CELSR1: variants seen among roughly 807,000 people sequenced by gnomAD.
The protein encoded by CELSR1 is adhesion G protein-coupled receptor C1.
CELSR1 carries 110 observed loss-of-function variants against 249.1 expected under a neutral mutation model. The observed-to-expected ratio is 0.44, with a 90% confidence interval of 0.38 to 0.52. The LOEUF is 0.52. Among genes scored for constraint, CELSR1 ranks in the 20% least tolerant of loss-of-function variants. The probability of loss-of-function intolerance (pLI) is 0.00; values close to 1 mark genes in which losing one functional copy is unlikely to be tolerated. For synonymous variants in CELSR1, 2,113 were observed against 1,900.0 expected (o/e 1.11, Z -2.92); for missense variants, 4,109 against 4,296.4 (o/e 0.96, Z 1.22).
chr22:46,426,871 G>A (rs1014731032), intron 5 of CELSR1, among the ~76,000 whole-genome samples: 2 of 152,114 alleles, frequency 1.3e-5, no homozygotes, highest in African/African-American at 2.4e-5. Context: ...ACCTGCAGGT[G>A]CTCAGGCTTC....
chr22:46,419,443 C>T (rs909543554), intron 5 of CELSR1, among the ~76,000 whole-genome samples: 1 of 152,142 alleles, frequency 6.6e-6, no homozygotes, highest in African/African-American at 2.4e-5. Context: ...ATGCTACTCC[C>T]AGCTAGAGAA....
At chr22:46,432,805 C>G (rs1368390453) in intron 5 of CELSR1, among the ~76,000 whole-genome samples, 1 of 152,102 alleles carries the variant, frequency 6.6e-6, no homozygotes, top group African/African-American at 2.4e-5. Flanking sequence ...AATGAATAAG[C>G]CCTTTCTGTG....
chr22:46,400,030 T>A, intron 9 of CELSR1, 128 bp from the exon 10 acceptor site: 1 of 1,029,176 alleles, frequency 9.7e-7, no homozygotes, highest in African/African-American at 1.6e-5. Flanking sequence ...AAGATAGGCT[T>A]AAAAATTAGG....
rs763227216 is a variant in CELSR1, at chr22:46,427,408, G to A, written c.4611+5985C>T. 2.2e-4 allele frequency among the ~76,000 whole-genome samples: 33 copies of A among 152,290 alleles called. No homozygotes were observed. Among genetic ancestry groups the A allele is most frequent in the Admixed American group, 3.9e-4 (6 of 15,290 alleles). On this transcript the variant is annotated intron_variant, in intron 5 of 34. Coordinates refer to ENST00000674500, the MANE Select transcript of CELSR1 (RefSeq NM_001378328.1). The surrounding 1 kb of genome is among the most constrained non-coding windows in gnomAD (Gnocchi z 4.2). ...AAAAATTAACCGGGTGTGGTGGCGC[G>A]CACCTGTAAACCCAGCTACTCAGGA...
At chr22:46,397,530 C>T (rs1372552788) in intron 12 of CELSR1, 144 bp downstream of exon 12, 10 of 735,560 alleles carry the variant, frequency 1.4e-5, no homozygotes, top group South Asian at 1.4e-4. Flanking sequence ...AGGAGGGGCC[C>T]GCTTGTTATA....
At chr22:46,470,179 A>G (rs1174958547) in intron 1 of CELSR1, among the ~76,000 whole-genome samples, 1 of 150,316 alleles carries the variant, frequency 6.7e-6, no homozygotes, top group Non-Finnish European at 1.5e-5. Flanking sequence ...TCCTCGTGGC[A>G]GTTGTTATGA....
At position 46,448,372 on chromosome 22, in the gene CELSR1, A is replaced by C. The variant is rs994003403; in HGVS notation, c.4184-8961T>G. ...GAACTTACCCCTGGGGGGCTGCTCC[A>C]GGAGCTAGGAGAAGAGAGATGCAGG... On this transcript the variant is annotated intron_variant, in intron 2 of 34. Coordinates refer to ENST00000674500, the MANE Select transcript of CELSR1 (RefSeq NM_001378328.1). The surrounding 1 kb of genome is among the most constrained non-coding windows in gnomAD (Gnocchi z 5.7). 3.3e-5 allele frequency among the ~76,000 whole-genome samples: 5 copies of C among 152,134 alleles called. No individual in the cohort carries two copies. Among genetic ancestry groups the C allele is most frequent in the Non-Finnish European group, 7.4e-5 (5 of 68,002 alleles).
chr22:46,535,745 T>G lies in CELSR1; in HGVS notation c.1426A>C (p.Thr476Pro). Residue 476 changes from threonine to proline, a missense_variant, in exon 1 of 35, where the codon ACG (threonine) becomes CCG (proline). Transcript: ENST00000674500. Reference sequence around the variant, plus strand: ...GTGGCCTGCACTCGCAGCACAGCCGTGTTGAGCCCCACGTCCTCGGGCACC... The same window carrying G: ...GTGGCCTGCACTCGCAGCACAGCCGGGTTGAGCCCCACGTCCTCGGGCACC... Reference protein sequence around the residue: ...VQVPEDVGLNTAVLRVQATDR... With the variant: ...VQVPEDVGLNPAVLRVQATDR... The G allele has an allele frequency of 6.2e-7, 1 of 1,612,602 alleles. No homozygotes were observed. The highest frequency in any genetic ancestry group is 8.5e-7 in the Non-Finnish European group (1 of 1,180,008).
rs1202650721 is a variant in CELSR1, at chr22:46,370,534, C to A, written c.7760-730G>T. 3.3e-5 allele frequency among the ~76,000 whole-genome samples: 5 copies of A among 152,324 alleles called. No homozygotes were observed. The East Asian group carries it at 9.6e-4, about 29-fold the overall frequency. On this transcript the variant is annotated intron_variant, in intron 25 of 34. Coordinates refer to ENST00000674500, the MANE Select transcript of CELSR1 (RefSeq NM_001378328.1). The stretch of plus-strand genomic sequence containing the variant: ...GTTGTCACTCCCAGCCACAGTGTGA[C>A]AAACCAGATCCGCCTGTCCATGCAG...
rs143337195 is a variant in CELSR1, at chr22:46,416,971, G to A, written c.4612-5212C>T. Among the ~76,000 whole-genome samples, 94 of 149,656 alleles carry A rather than the reference G, an allele frequency of 6.3e-4. 2 individuals are homozygous for A. In the East Asian group the frequency reaches 0.014, roughly 23 times the overall value. On this transcript the variant is annotated intron_variant, in intron 5 of 34. Transcript: ENST00000674500. ...GCTGGGGAAGGTAGCAGGGGAAGGC[G>A]GTGTGGGGGGGTGGGAGGGGCACGT...
Position 46,488,767 on chromosome 22 carries a change from C to T in CELSR1, c.3545-24422G>A, listed in dbSNP as rs921069125. On this transcript the variant is annotated intron_variant, in intron 1 of 34. Coordinates refer to ENST00000674500, the MANE Select transcript of CELSR1 (RefSeq NM_001378328.1). The surrounding 1 kb of genome is among the most constrained non-coding windows in gnomAD (Gnocchi z 4.7). ...CTCCACCTCCCAGGTTCATGCCATTCTCCTGCCTCAGCCTCCCGAGTAGCT... is the reference window on the plus strand; with the variant it reads ...CTCCACCTCCCAGGTTCATGCCATTTTCCTGCCTCAGCCTCCCGAGTAGCT... Among the ~76,000 whole-genome samples, 2 of 151,858 alleles carry T rather than the reference C, an allele frequency of 1.3e-5. No homozygotes were observed. Among genetic ancestry groups the T allele is most frequent in the Non-Finnish European group, 1.5e-5 (1 of 67,998 alleles).
chr22:46,396,522 A>G lies in CELSR1; in HGVS notation c.5843+83T>C. 1 of 1,358,448 alleles carries G rather than the reference A, an allele frequency of 7.4e-7. No individual in the cohort carries two copies. Among genetic ancestry groups the G allele is most frequent in the Non-Finnish European group, 9.6e-7 (1 of 1,045,264 alleles). The allele number at this position is 1,358,448 out of a possible 1,614,324, so 84.1% of individuals were successfully genotyped here. On this transcript the variant is annotated intron_variant, in intron 13 of 34. Coordinates refer to ENST00000674500, the MANE Select transcript of CELSR1 (RefSeq NM_001378328.1). The surrounding 1 kb of genome is among the most constrained non-coding windows in gnomAD (Gnocchi z 6.4). ...GAATCACACATATCTTTGGGTCAAA[A>G]TAAGAAAGAGAAGACACTGAGTCGA...
chr22:46,373,482 T>TTGGGGGGGCAGCTTCACACCCAGTGCTC lies in CELSR1; in HGVS notation c.7585-426_7585-425insGAGCACTGGGTGTGAAGCTGCCCCCCCA, dbSNP rs2078879886. Among the ~76,000 whole-genome samples the TTGGGGGGGCAGCTTCACACCCAGTGCTC allele has an allele frequency of 7.0e-5, 4 of 56,936 alleles. No homozygotes were observed. The East Asian group carries it at 2.1e-3, about 30-fold the overall frequency. 37.4% of individuals were successfully genotyped at this position (56,936 alleles called of 152,430 possible). A position where few individuals can be genotyped will look rare whatever the true frequency, so the allele number is the denominator to read the frequency against. ...GGGGGCAGCTTCACACCCAGTGCTC[T>TTGGGGGGGCAGCTTCACACCCAGTGCTC]GGGGTGGGGGGGGCAGCTTCACGCC... On this transcript the variant is annotated intron_variant, in intron 24 of 34. Transcript: ENST00000674500.
Position 46,500,841 on chromosome 22 carries a change from TCC to T in CELSR1, c.3544+32784_3544+32785del, listed in dbSNP as rs1055188081. 2.6e-5 allele frequency among the ~76,000 whole-genome samples: 4 copies of T among 151,896 alleles called. No homozygotes were observed. ...CATTGCGTCTCTCAGGCTCAGAACATCCCCCATCTGCGGGCAGAGCTGTCCTT... is the reference window on the plus strand; with the variant it reads ...CATTGCGTCTCTCAGGCTCAGAACATCCCATCTGCGGGCAGAGCTGTCCTT... On this transcript the variant is annotated intron_variant, in intron 1 of 34. Transcript: ENST00000674500. The surrounding 1 kb of genome is among the most constrained non-coding windows in gnomAD (Gnocchi z 4.9).
At chr22:46,405,276 C>T (rs555050434) in intron 9 of CELSR1, among the ~76,000 whole-genome samples, 2 of 150,920 alleles carry the variant, frequency 1.3e-5, no homozygotes, top group South Asian at 2.1e-4. Context: ...CTGGCTAACC[C>T]GGTGAAACCC....
chr22:46,483,778 G>A (rs1303385019), intron 1 of CELSR1, among the ~76,000 whole-genome samples: 7 of 152,116 alleles, frequency 4.6e-5, no homozygotes, highest in South Asian at 4.2e-4. Flanking sequence ...GATGCAGGTC[G>A]CCATCTTCCT....
chr22:46,491,587 T>C (rs11702917), intron 1 of CELSR1, among the ~76,000 whole-genome samples: 5 of 151,204 alleles, frequency 3.3e-5, no homozygotes, highest in Non-Finnish European at 5.9e-5. Context: ...TTTTAAAAGT[T>C]TTTCTTGTGA....
At position 46,535,178 on chromosome 22, in the gene CELSR1, G is replaced by A. The variant is rs781007866; in HGVS notation, c.1993C>T (p.Pro665Ser). 2 of 1,608,772 alleles carry A rather than the reference G, an allele frequency of 1.2e-6. No homozygotes were observed. Among genetic ancestry groups the A allele is most frequent in the East Asian group, 2.2e-5 (1 of 44,804 alleles). Residue 665 changes from proline (P) to serine (S), a missense_variant, in exon 1 of 35, where the codon CCC becomes TCC. By Grantham distance (74) the Pro-to-Ser change is moderately conservative (BLOSUM62 -1). Coordinates refer to ENST00000674500, the MANE Select transcript of CELSR1 (RefSeq NM_001378328.1). ...FGVEAVDHGS[P>S]PMSSSTSVSI... ...ACGCTGGTGGAGGAGCTCATGGGGG[G>A]CGAGCCGTGGTCCACCGCCTCCACC...
At chr22:46,478,932 T>C (rs1005989175) in intron 1 of CELSR1, among the ~76,000 whole-genome samples, 1 of 151,942 alleles carries the variant, frequency 6.6e-6, no homozygotes, top group Non-Finnish European at 1.5e-5. Flanking sequence ...CTCAGGCTCT[T>C]CAGCCACTGC....
Sources: allele counts gnomAD v4.1 joint callset (sites outside exome capture counted in the v4.1 genomes callset), GRCh38; gene constraint gnomAD v4.1.1; non-coding constraint Gnocchi (gnomAD v3.1); transcripts MANE v1.5; gene names NCBI Gene and HGNC (gene_info 2026-07-23, HGNC 2026-07-21).